SVIL: variants seen among roughly 807,000 people sequenced by gnomAD.
SVIL encodes the protein supervillin.
A neutral mutation model predicts 240.4 loss-of-function variants in SVIL; 101 were observed. The observed-to-expected ratio is 0.42, with a 90% CI of 0.36 to 0.50. The LOEUF is 0.50. Ranked by LOEUF, SVIL falls within the 20% of genes least tolerant of loss-of-function variation. SVIL has a pLI of 0.01. For missense variants in SVIL, 2,512 were observed against 2,818.7 expected (o/e 0.89, Z 2.46); for synonymous variants, 999 against 1,100.0 (o/e 0.91, Z 1.82).
intron 2 of SVIL, among the ~76,000 whole-genome samples, chr10:29,661,885 A>AT (rs1959167481): frequency 2.0e-5 from 3 of 151,772 alleles, no homozygotes; most frequent in Admixed American, 2.0e-4. Flanking sequence ...CTGGTCTTAA[A>AT]CTCCTGGCTT....
rs747065873 is a variant in SVIL at position 29,488,766 on chromosome 10, T to C, written c.4193-10A>G. On this transcript the variant is annotated splice_polypyrimidine_tract_variant and intron_variant, in intron 22 of 37. Coordinates refer to ENST00000355867, the MANE Select transcript of SVIL (RefSeq NM_021738.3). ...TTGGAGTTGGAAGACACTGGGCACG[T>C]TGAATAAGGAAACACAACGCAGGAG... The C allele has an allele frequency of 7.5e-6, 12 of 1,609,650 alleles. No homozygotes were observed. Among genetic ancestry groups the C allele is most frequent in the Middle Eastern group, 1.6e-4 (1 of 6,072 alleles).
At chr10:29,585,885 G>T (rs986839209) in intron 1 of SVIL, among the ~76,000 whole-genome samples, 12 of 152,258 alleles carry the variant, frequency 7.9e-5, no homozygotes, top group Admixed American at 7.2e-4. Context: ...GACAAGGGAT[G>T]TGAGCCAGAG....
At chr10:29,552,793 A>G (rs1022514453) in intron 5 of SVIL, among the ~76,000 whole-genome samples, 1 of 152,084 alleles carries the variant, frequency 6.6e-6, no homozygotes, top group Non-Finnish European at 1.5e-5. Flanking sequence ...TTGAGAAGAG[A>G]GATATGCCTC....
Position 29,700,468 on chromosome 10 carries a change from C to CTTTTTT in SVIL, c.-399-13823_-399-13818dup, listed in dbSNP as rs71281545. 2.5e-3 allele frequency among the ~76,000 whole-genome samples: 287 copies of CTTTTTT among 113,040 alleles called. 9 individuals carry two copies. Among genetic ancestry groups the CTTTTTT allele is most frequent in the African/African-American group, 7.3e-3 (215 of 29,426 alleles). 74.2% of individuals were successfully genotyped at this position (113,040 alleles called of 152,430 possible). A position where few individuals can be genotyped will look rare whatever the true frequency, so the allele number is the denominator to read the frequency against. Reference sequence around the variant, plus strand: ...ACAGAGAAGAAATTCTTACTATTTCCTTTTTTTTTTTTTTTTTTTGGAGAT... The same window carrying CTTTTTT: ...ACAGAGAAGAAATTCTTACTATTTCCTTTTTTTTTTTTTTTTTTTTTTTTTGGAGAT... On this transcript the variant is annotated intron_variant, in intron 1 of 35. Transcript: ENST00000375400.
intron 1 of SVIL, among the ~76,000 whole-genome samples, chr10:29,580,184 A>G (rs1370255609): frequency 6.6e-6 from 1 of 151,922 alleles, no homozygotes; most frequent in African/African-American, 2.4e-5. Context: ...TAAAAAAAAA[A>G]AATTTAGCTG....
intron 1 of SVIL, among the ~76,000 whole-genome samples, chr10:29,601,229 T>G (rs1956799667): frequency 6.6e-6 from 1 of 152,200 alleles, no homozygotes; most frequent in South Asian, 2.1e-4. Context: ...ATTTATTCAC[T>G]TTGCTTTCCA....
Position 29,457,695 on chromosome 10 carries a change from A to T in SVIL, c.*552T>A, listed in dbSNP as rs1943724089. The T allele has an allele frequency of 1.3e-5, 2 of 152,670 alleles. No individual in the cohort carries two copies. Among genetic ancestry groups the T allele is most frequent in the African/African-American group, 4.8e-5 (2 of 41,446 alleles). The allele number at this position is 152,670 out of a possible 1,614,324, so 9.5% of individuals were successfully genotyped here. On this transcript the variant is annotated 3_prime_UTR_variant, in exon 38 of 38. Coordinates refer to ENST00000355867, the MANE Select transcript of SVIL (RefSeq NM_021738.3). The stretch of plus-strand genomic sequence containing the variant: ...AACAAGTCATACCTAATGCTGCAGG[A>T]AACATTTCCAAACGTGTATGAAGAT...
At chr10:29,489,986 A>C (rs1488001273) in intron 22 of SVIL, among the ~76,000 whole-genome samples, 1 of 152,242 alleles carries the variant, frequency 6.6e-6, no homozygotes, top group East Asian at 1.9e-4. Flanking sequence ...AGATTATCCC[A>C]AAAATCAAGA....
intron 17 of SVIL, among the ~76,000 whole-genome samples, chr10:29,506,040 G>C (rs182450684): frequency 6.6e-6 from 1 of 152,236 alleles, no homozygotes; most frequent in South Asian, 2.1e-4. Flanking sequence ...GTAATGTTAT[G>C]TAAATAGTTG....
intron 30 of SVIL, among the ~76,000 whole-genome samples, chr10:29,473,350 A>G (rs1945806036): frequency 6.6e-6 from 1 of 152,204 alleles, no homozygotes; most frequent in South Asian, 2.1e-4. Flanking sequence ...TGTACATGGA[A>G]CAAGTGATCA....
intron 17 of SVIL, among the ~76,000 whole-genome samples, chr10:29,505,119 TTGAGA>T (rs1949172838): frequency 6.6e-6 from 1 of 152,154 alleles, no homozygotes; most frequent in Non-Finnish European, 1.5e-5. Flanking sequence ...GGTTAGGAGT[TTGAGA>T]CCAGCCTGGC....
intron 1 of SVIL, among the ~76,000 whole-genome samples, chr10:29,689,520 G>A (rs1564765282): frequency 6.6e-6 from 1 of 152,112 alleles, no homozygotes; most frequent in Non-Finnish European, 1.5e-5. Context: ...TCCTGACCTC[G>A]TGATCTGCCC....
chr10:29,509,584 C>A (rs1949673604), intron 17 of SVIL, among the ~76,000 whole-genome samples: 1 of 152,098 alleles, frequency 6.6e-6, no homozygotes, highest in Non-Finnish European at 1.5e-5. Flanking sequence ...CATGGTGGCT[C>A]ATGCCTGTAA....
intron 1 of SVIL, among the ~76,000 whole-genome samples, chr10:29,706,601 T>C (rs1962906659): frequency 6.6e-6 from 1 of 152,198 alleles, no homozygotes; most frequent in Non-Finnish European, 1.5e-5. Context: ...ATTCTGTGGG[T>C]TGCCTGTTCA....
chr10:29,698,645 TA>T (rs1216411710), intron 1 of SVIL, among the ~76,000 whole-genome samples: 1 of 138,898 alleles, frequency 7.2e-6, no homozygotes, highest in Non-Finnish European at 1.6e-5. Flanking sequence ...TTTTATAATC[TA>T]AAAAAAATAA....
chr10:29,517,142 T>C (rs1171515371), intron 16 of SVIL, among the ~76,000 whole-genome samples: 1 of 152,134 alleles, frequency 6.6e-6, no homozygotes, highest in East Asian at 1.9e-4. Flanking sequence ...CCAGGCGTGG[T>C]GGCTCACACC....
At chr10:29,614,947 G>A (rs1957377936) in intron 1 of SVIL, among the ~76,000 whole-genome samples, 1 of 152,142 alleles carries the variant, frequency 6.6e-6, no homozygotes, top group Non-Finnish European at 1.5e-5. Context: ...AAACCTATCT[G>A]ATCCTCATAA....
intron 29 of SVIL, among the ~76,000 whole-genome samples, chr10:29,476,722 GA>G (rs940218056): frequency 3.3e-4 from 51 of 152,296 alleles, no homozygotes; most frequent in African/African-American, 1.2e-3. Flanking sequence ...GATATTTTAT[GA>G]AGCAAACATT....
chr10:29,734,653 T>C (rs958897217), intron 1 of SVIL, among the ~76,000 whole-genome samples: 6 of 152,086 alleles, frequency 3.9e-5, no homozygotes, highest in Non-Finnish European at 7.4e-5. Flanking sequence ...TGGAGGCAGA[T>C]AAGACAAGAC....
Sources: gnomAD v4.1 joint callset for allele counts (sites outside exome capture counted in the v4.1 genomes callset) on GRCh38, gnomAD v4.1.1 for gene constraint, MANE v1.5 for transcripts, NCBI Gene and HGNC (gene_info 2026-07-23, HGNC 2026-07-21) for gene names.